Variants in SAMSN1 observed in about 807,000 individuals in gnomAD.
SAMSN1 encodes the protein SAM domain-containing protein SAMSN-1.
A neutral mutation model predicts 42.0 loss-of-function variants in SAMSN1; 31 were observed. The ratio of observed to expected loss-of-function variants is 0.74; its 90% CI spans 0.55 to 1.00. The LOEUF (loss-of-function observed/expected upper bound fraction) is 1.00, where lower values mean the gene tolerates loss of function less well. Among genes scored for constraint, SAMSN1 ranks in the 50% least tolerant of loss-of-function variants. The pLI is 0.00. For synonymous variants in SAMSN1, 178 were observed against 151.9 expected (o/e 1.17, Z -1.26); for missense variants, 464 against 439.4 (o/e 1.06, Z -0.50).
intron 1 of SAMSN1, among the ~76,000 whole-genome samples, chr21:14,521,491 T>A (rs1175694252): frequency 6.6e-6 from 1 of 152,252 alleles, no homozygotes; most frequent in Non-Finnish European, 1.5e-5. Context: ...TTAAATTTTT[T>A]ATTTTAATTT....
At chr21:14,578,701 A>G (rs1234520497) in intron 2 of SAMSN1, among the ~76,000 whole-genome samples, 1 of 538 alleles carries the variant, frequency 1.9e-3, no homozygotes, top group Non-Finnish European at 6.2e-3. Context: ...AAAAAAAAAA[A>G]AAAAGACCCC....
At chr21:14,652,064 A>G (rs183560237) in intron 1 of SAMSN1, among the ~76,000 whole-genome samples, 1 of 147,150 alleles carries the variant, frequency 6.8e-6, no homozygotes, top group African/African-American at 2.5e-5. Flanking sequence ...TTATTGAAAA[A>G]TAATATAGGT....
upstream of SAMSN1, among the ~76,000 whole-genome samples, chr21:14,550,483 G>A (rs1427765893): frequency 3.3e-5 from 5 of 152,086 alleles, no homozygotes; most frequent in Non-Finnish European, 7.4e-5. Flanking sequence ...GAAGATGGGA[G>A]CTACTGAGGT....
At chr21:14,538,257 C>G (rs1039002421) in intron 1 of SAMSN1, among the ~76,000 whole-genome samples, 3 of 151,988 alleles carry the variant, frequency 2.0e-5, no homozygotes, top group African/African-American at 7.3e-5. Context: ...GTATTTTATT[C>G]CAGAAAACTC....
intron 5 of SAMSN1, among the ~76,000 whole-genome samples, chr21:14,608,046 T>C (rs779789223): frequency 2.0e-5 from 3 of 152,142 alleles, no homozygotes; most frequent in Non-Finnish European, 2.9e-5. Context: ...GAGAGGGAAG[T>C]GGAGCAAAGT....
chr21:14,632,037 T>C (rs545921638), intron 2 of SAMSN1, among the ~76,000 whole-genome samples: 29 of 152,330 alleles, frequency 1.9e-4, no homozygotes, highest in Non-Finnish European at 3.2e-4. Context: ...GTCACATCTA[T>C]CACAGATGCT....
chr21:14,507,040 C>G (rs1987444053), intron 5 of SAMSN1, among the ~76,000 whole-genome samples: 1 of 152,082 alleles, frequency 6.6e-6, no homozygotes, highest in African/African-American at 2.4e-5. Context: ...AGCGACATAC[C>G]TCAATATAAT....
intron 5 of SAMSN1, among the ~76,000 whole-genome samples, chr21:14,500,966 G>A (rs1340829192): frequency 6.6e-6 from 1 of 152,160 alleles, no homozygotes; most frequent in Non-Finnish European, 1.5e-5. Context: ...ATGAGGCCAG[G>A]AGTTTGAGAC....
In SAMSN1 at chr21:14,582,135, C is replaced by T. The variant is rs772348119; in HGVS notation, c.261+1G>A. 4 of 1,540,294 alleles carry T rather than the reference C, an allele frequency of 2.6e-6. No homozygotes were observed. Among genetic ancestry groups the T allele is most frequent in the Non-Finnish European group, 3.5e-6 (4 of 1,140,716 alleles). On this transcript the variant is annotated splice_donor_variant, in intron 2 of 8. Coordinates refer to the SAMSN1 transcript ENST00000285670. LOFTEE classifies it high-confidence loss of function. The stretch of plus-strand genomic sequence containing the variant: ...CACATTTCCGTAGTCTGCAAACTTA[C>T]CCATGAATGTAGGAGATCCATATCT...
intron 2 of SAMSN1, among the ~76,000 whole-genome samples, chr21:14,573,255 C>T (rs1981357769): frequency 6.6e-6 from 1 of 152,138 alleles, no homozygotes; most frequent in Non-Finnish European, 1.5e-5. Flanking sequence ...TACAGTCTTA[C>T]TTAAACTTCA....
At chr21:14,508,138 T>A (rs189371559) in intron 5 of SAMSN1, among the ~76,000 whole-genome samples, 2 of 152,326 alleles carry the variant, frequency 1.3e-5, no homozygotes, top group African/African-American at 4.8e-5. Context: ...TTTCTAGACA[T>A]TGGCTTAGGC....
chr21:14,614,932 C>T (rs983006739), intron 3 of SAMSN1, among the ~76,000 whole-genome samples: 1 of 152,164 alleles, frequency 6.6e-6, no homozygotes, highest in African/African-American at 2.4e-5. Context: ...GTAAATTGGT[C>T]ATCATCAGAC....
At chr21:14,563,011 T>C (rs1171864642) in intron 2 of SAMSN1, among the ~76,000 whole-genome samples, 1 of 152,168 alleles carries the variant, frequency 6.6e-6, no homozygotes. Context: ...TTATTATAAA[T>C]GCAGAAAAAT....
chr21:14,518,979 T>C (rs1197911898), intron 2 of SAMSN1, among the ~76,000 whole-genome samples: 1 of 152,216 alleles, frequency 6.6e-6, no homozygotes, highest in Non-Finnish European at 1.5e-5. Flanking sequence ...CAGAAAAATG[T>C]ACCACACATA....
chr21:14,523,547 G>T (rs994295961), intron 1 of SAMSN1, among the ~76,000 whole-genome samples: 3 of 152,156 alleles, frequency 2.0e-5, no homozygotes, highest in Non-Finnish European at 4.4e-5. Flanking sequence ...GGCTGTCATT[G>T]CTCAGCAATC....
chr21:14,537,911 T>C (rs1337523433), intron 1 of SAMSN1, among the ~76,000 whole-genome samples: 2 of 152,232 alleles, frequency 1.3e-5, no homozygotes, highest in South Asian at 2.1e-4. Context: ...TGTTGCTCTA[T>C]AGGACCACAG....
rs765226861 is a variant in SAMSN1, at chr21:14,500,498, C to G, written c.768+31G>C. 3 of 1,589,474 alleles carry G rather than the reference C, an allele frequency of 1.9e-6. No individual in the cohort carries two copies. In the African/African-American group the frequency reaches 4.0e-5, roughly 21 times the overall value. On this transcript the variant is annotated intron_variant, in intron 6 of 7. Transcript: ENST00000400566. ...CTTCGGTGTTTCCATTTACATGCTT[C>G]CAAAAGCAAACAGAACACAGATTTG...
At chr21:14,621,534 G>C (rs1238167726) in intron 2 of SAMSN1, among the ~76,000 whole-genome samples, 3 of 152,146 alleles carry the variant, frequency 2.0e-5, no homozygotes, top group African/African-American at 7.2e-5. Flanking sequence ...TGCCCATGGA[G>C]CCTCACTCAT....
rs541190186 is a variant in SAMSN1 at position 14,642,432 on chromosome 21, A to C, written c.156+570T>G. Among the ~76,000 whole-genome samples, 4 of 152,332 alleles carry C rather than the reference A, an allele frequency of 2.6e-5. No individual in the cohort carries two copies. The East Asian group carries it at 7.7e-4, about 29-fold the overall frequency. On this transcript the variant is annotated intron_variant, in intron 2 of 15. Coordinates refer to the SAMSN1 transcript ENST00000647101. Reference sequence around the variant, plus strand: ...AGTTTATTACAGTGGTTAGAGCATAAACTTTGAAAGCAGCCAGTGATGTGT... The same window carrying C: ...AGTTTATTACAGTGGTTAGAGCATACACTTTGAAAGCAGCCAGTGATGTGT...
Sources: gnomAD v4.1 joint callset for allele counts (sites outside exome capture counted in the v4.1 genomes callset) on GRCh38, gnomAD v4.1.1 for gene constraint, MANE v1.5 for transcripts, NCBI Gene and HGNC (gene_info 2026-07-23, HGNC 2026-07-21) for gene names.